The following DDX6 variants were observed in gnomAD, a reference collection of about 807,000 sequenced individuals.
The protein encoded by DDX6 is probable ATP-dependent RNA helicase DDX6.
In DDX6, 7 loss-of-function variants were observed where a neutral mutation model predicts 60.6. The ratio of observed to expected loss-of-function variants is 0.12; its 90% confidence interval spans 0.07 to 0.22. The LOEUF (loss-of-function observed/expected upper bound fraction) is 0.22, where lower values mean the gene tolerates loss of function less well. Among genes scored for constraint, DDX6 ranks in the 10% least tolerant of loss-of-function variants. DDX6 has a pLI of 1.00. For missense variants in DDX6, 270 were observed against 589.9 expected, an observed-to-expected ratio of 0.46 and a Z score of 5.62; for synonymous variants, 207 against 201.0, an observed-to-expected ratio of 1.03 and a Z score of -0.25.
intron 1 of DDX6, chr11:118,789,983 C>G (rs1331411711): frequency 6.6e-6 from 1 of 152,146 alleles, no homozygotes; most frequent in Non-Finnish European, 1.5e-5. Flanking sequence ...GGAGGAGCCC[C>G]TAGCGGAGTT....
chr11:118,780,837 A>G (rs1218668852), intron 3 of DDX6, among the ~76,000 whole-genome samples: 1 of 152,244 alleles, frequency 6.6e-6, no homozygotes, highest in East Asian at 1.9e-4. Context: ...CTTCCCCCCT[A>G]TTGATGATAA....
intron 5 of DDX6, among the ~76,000 whole-genome samples, chr11:118,767,127 T>C (rs1861380620): frequency 6.6e-6 from 1 of 151,576 alleles, no homozygotes; most frequent in Non-Finnish European, 1.5e-5. Flanking sequence ...CCTCAGGTGA[T>C]CTGCCTTGCC....
chr11:118,759,904 G>A lies in DDX6; in HGVS notation c.864+18C>T, dbSNP rs201647027. 6 of 1,607,120 alleles carry A rather than the reference G, an allele frequency of 3.7e-6. No individual in the cohort carries two copies. In the African/African-American group the frequency reaches 5.4e-5, roughly 14 times the overall value. ...GGTCACAGGATGGCACTGATTCCAAGTACAGATTTATACTCACCATGAACT... is the reference window on the plus strand; with the variant it reads ...GGTCACAGGATGGCACTGATTCCAAATACAGATTTATACTCACCATGAACT... On this transcript the variant is annotated intron_variant, in intron 8 of 13. Transcript: ENST00000534980.
In DDX6 at chr11:118,748,809, T is replaced by C. The variant is rs1446296635; in HGVS notation, c.*3296A>G. 8 of 151,432 alleles carry C rather than the reference T, an allele frequency of 5.3e-5. No individual in the cohort carries two copies. The highest frequency in any genetic ancestry group is 1.0e-4 in the Non-Finnish European group (7 of 67,930). The allele number at this position is 151,432 out of a possible 1,614,324, so 9.4% of individuals were successfully genotyped here. On this transcript the variant is annotated 3_prime_UTR_variant, in exon 14 of 14. Transcript: ENST00000534980. ...ATGAGATGTTTTGATTCCAACAATT[T>C]ATACTCAAGGCTTTGTGCTGAGTTG...
chr11:118,786,243 C>T lies in DDX6; in HGVS notation c.9G>A (p.Thr3=), dbSNP rs1424725291. The T allele has an allele frequency of 2.5e-6, 4 of 1,598,016 alleles. No individual in the cohort carries two copies. The highest frequency in any genetic ancestry group is 3.4e-6 in the Non-Finnish European group (4 of 1,172,716). The change falls in exon 2 of 14, where the codon ACG becomes ACA. Residue 3 remains threonine, a synonymous_variant. Coordinates refer to ENST00000534980, the MANE Select transcript of DDX6 (RefSeq NM_004397.6). ...TTATAACAGGGTTCTCTGTTCTGGC[C>T]GTGCTCATGCTGTTTTAATTGCAAA... MS[T]ARTENPVIMG...
intron 9 of DDX6, 65 bp downstream of exon 9, chr11:118,758,709 G>A (rs1334613285): frequency 6.3e-7 from 1 of 1,577,088 alleles, no homozygotes; most frequent in African/African-American, 1.4e-5. Flanking sequence ...TGGGAAAATT[G>A]ATGAAATCAT....
Position 118,752,002 on chromosome 11 carries a change from T to C in DDX6, c.*103A>G. On this transcript the variant is annotated 3_prime_UTR_variant, in exon 14 of 14. Coordinates refer to ENST00000534980, the MANE Select transcript of DDX6 (RefSeq NM_004397.6). ...CTGAGCTCTTTTAAGTCTTCATAGTTCCAAAATAAAAGATGAAAAACCCAC... is the reference window on the plus strand; with the variant it reads ...CTGAGCTCTTTTAAGTCTTCATAGTCCCAAAATAAAAGATGAAAAACCCAC... 3.1e-6 allele frequency: 1 copy of C among 321,832 alleles called. No individual in the cohort carries two copies. 19.9% of individuals were successfully genotyped at this position (321,832 alleles called of 1,614,324 possible). A position where few individuals can be genotyped will look rare whatever the true frequency, so the allele number is the denominator to read the frequency against.
intron 10 of DDX6, 138 bp from the exon 11 acceptor site, chr11:118,756,461 C>T: frequency 2.0e-6 from 1 of 500,074 alleles, no homozygotes; most frequent in Middle Eastern, 4.8e-4. Flanking sequence ...CTTTCAAAAC[C>T]AAATGAGTTA....
intron 2 of DDX6, among the ~76,000 whole-genome samples, chr11:118,784,804 T>A (rs139504046): frequency 0.012 from 1,768 of 150,824 alleles, 44 homozygotes; most frequent in African/African-American, 0.041. Flanking sequence ...CAAGCTGGAG[T>A]GCAATGGTGC....
intron 12 of DDX6, 130 bp downstream of exon 12, chr11:118,755,272 A>C (rs1165304438): frequency 3.3e-6 from 2 of 614,686 alleles, no homozygotes; most frequent in Non-Finnish European, 5.8e-6. Context: ...CTTAAATACC[A>C]AACAACTGAA....
chr11:118,787,742 T>C (rs1433819562), intron 1 of DDX6: 3 of 152,212 alleles, frequency 2.0e-5, no homozygotes, highest in African/African-American at 4.8e-5. Context: ...TCTGCCATAA[T>C]GCATCCAGCA....
upstream of DDX6, chr11:118,791,274 C>T (rs1362813962): frequency 6.6e-6 from 1 of 152,124 alleles, no homozygotes; most frequent in Non-Finnish European, 1.5e-5. Flanking sequence ...GGCGAAACCT[C>T]GGCCGCCGCG....
chr11:118,777,602 G>GA (rs1404545735), intron 4 of DDX6, among the ~76,000 whole-genome samples: 1 of 152,076 alleles, frequency 6.6e-6, no homozygotes, highest in Middle Eastern at 3.2e-3. Flanking sequence ...CAAAAAGCAA[G>GA]AAAGGGGCCG....
Position 118,786,256 on chromosome 11 carries a change from T to C in DDX6, c.-5A>G, listed in dbSNP as rs1862071336. 1 of 1,591,822 alleles carries C rather than the reference T, an allele frequency of 6.3e-7. No homozygotes were observed. The highest frequency in any genetic ancestry group is 8.6e-7 in the Non-Finnish European group (1 of 1,168,586). The stretch of plus-strand genomic sequence containing the variant: ...CTCTGTTCTGGCCGTGCTCATGCTG[T>C]TTTAATTGCAAAGGTCTTTCAAACT... On this transcript the variant is annotated 5_prime_UTR_variant, in exon 2 of 14. Coordinates refer to ENST00000534980, the MANE Select transcript of DDX6 (RefSeq NM_004397.6).
intron 2 of DDX6, among the ~76,000 whole-genome samples, chr11:118,784,461 GTTT>G (rs34444218): frequency 1.4e-5 from 2 of 142,580 alleles, no homozygotes; most frequent in Non-Finnish European, 1.5e-5. Context: ...TATATGGCAA[GTTT>G]TTTTTTTTTT....
chr11:118,759,187 G>A (rs1263617388), intron 8 of DDX6: 2 of 293,742 alleles, frequency 6.8e-6, no homozygotes, highest in African/African-American at 2.2e-5. Flanking sequence ...GGCCTCCCGA[G>A]TAGCTGGGAA....
chr11:118,785,585 A>T (rs1016284931), intron 2 of DDX6, among the ~76,000 whole-genome samples: 1 of 151,994 alleles, frequency 6.6e-6, no homozygotes, highest in Non-Finnish European at 1.5e-5. Flanking sequence ...TGAGTGAATA[A>T]TGCTTGGAGT....
At chr11:118,783,871 T>C (rs1861985662) in intron 2 of DDX6, among the ~76,000 whole-genome samples, 1 of 148,060 alleles carries the variant, frequency 6.8e-6, no homozygotes, top group Non-Finnish European at 1.5e-5. Context: ...ATCCCAGCAC[T>C]GTGAGAGGTC....
At chr11:118,770,898 AGAG>A (rs1322031005) in intron 4 of DDX6, among the ~76,000 whole-genome samples, 9 of 147,140 alleles carry the variant, frequency 6.1e-5, no homozygotes, top group Non-Finnish European at 1.1e-4. Flanking sequence ...AAAAAAAAAA[AGAG>A]AGAGAAAAGA....
Sources: gnomAD v4.1 joint callset for allele counts (sites outside exome capture counted in the v4.1 genomes callset) on GRCh38, gnomAD v4.1.1 for gene constraint, MANE v1.5 for transcripts, NCBI Gene and HGNC (gene_info 2026-07-23, HGNC 2026-07-21) for gene names.